The following TMEM178B variants were observed in gnomAD, a reference collection of about 807,000 sequenced individuals.
TMEM178B encodes the protein transmembrane protein 178B.
A neutral mutation model predicts 31.0 loss-of-function variants in TMEM178B; 5 were observed. The ratio of observed to expected loss-of-function variants is 0.16; its 90% CI spans 0.08 to 0.34. The LOEUF (loss-of-function observed/expected upper bound fraction) is 0.34, where lower values mean the gene tolerates loss of function less well. Among genes scored for constraint, TMEM178B ranks in the 10% least tolerant of loss-of-function variants. The pLI is 1.00. For missense variants in TMEM178B, 275 were observed against 400.3 expected (o/e 0.69, Z 2.67); for synonymous variants, 164 against 164.0 (o/e 1.00, Z 0.00).
At chr7:141,396,477 A>G (rs1330345510) in intron 2 of TMEM178B, among the ~76,000 whole-genome samples, 1 of 152,192 alleles carries the variant, frequency 6.6e-6, no homozygotes, top group African/African-American at 2.4e-5. Context: ...GAGAGCCAGA[A>G]TGACCTTCAG....
At chr7:141,169,108 TC>T (rs1796305770) in intron 1 of TMEM178B, among the ~76,000 whole-genome samples, 1 of 152,250 alleles carries the variant, frequency 6.6e-6, no homozygotes, top group Non-Finnish European at 1.5e-5. Flanking sequence ...TAAACTTGTG[TC>T]ATGGGGGTTG....
At chr7:141,221,617 G>A (rs12703374) in intron 2 of TMEM178B, among the ~76,000 whole-genome samples, 76,631 of 152,112 alleles carry the variant, frequency 0.5, 20,826 homozygotes, top group African/African-American at 0.71. Flanking sequence ...CCACTTATAA[G>A]AACCAGGGCA....
chr7:141,246,520 C>T (rs920605481), intron 2 of TMEM178B, among the ~76,000 whole-genome samples: 3 of 152,178 alleles, frequency 2.0e-5, no homozygotes, highest in African/African-American at 7.2e-5. Flanking sequence ...ATATGTAAGA[C>T]ACTTTGTAGC....
chr7:141,367,084 A>T (rs145622964), intron 2 of TMEM178B, among the ~76,000 whole-genome samples: 706 of 2,472 alleles, frequency 0.29, 6 homozygotes, highest in African/African-American at 0.42. Flanking sequence ...ACATGACAGC[A>T]GGGGGGAGGG....
the TMEM178B span, among the ~76,000 whole-genome samples, chr7:141,505,395 A>G: frequency 1.2e-4 from 19 of 152,232 alleles, no homozygotes; most frequent in Non-Finnish European, 2.5e-4. Context: ...GAATGTTTTC[A>G]TATCTGCTCC....
Position 141,407,254 on chromosome 7 carries a change from T to C in TMEM178B, c.497-30354T>C, listed in dbSNP as rs558069491. Among the ~76,000 whole-genome samples, 15 of 152,340 alleles carry C rather than the reference T, an allele frequency of 9.8e-5. No homozygotes were observed. In the East Asian group the frequency reaches 2.9e-3, roughly 29 times the overall value. On this transcript the variant is annotated intron_variant, in intron 2 of 3. Coordinates refer to ENST00000565468, the MANE Select transcript of TMEM178B (RefSeq NM_001195278.2). ...CTGTTTAGCATCCATGGGTGAACTT[T>C]CTGACAGAAGAATCTGAAAGGCTGC... is the stretch of plus-strand genomic sequence containing the variant.
In TMEM178B at chr7:141,108,428, T is replaced by C. The variant is rs113607200; in HGVS notation, c.382+33736T>C. On this transcript the variant is annotated intron_variant, in intron 1 of 3. Transcript: ENST00000565468. ...AGAAGGTTCATGGGCAATCCATCTA[T>C]AGTAGCAGGAAAGAAAGCAGAGTGT... Among the ~76,000 whole-genome samples the C allele has an allele frequency of 3.7e-3, 568 of 152,282 alleles. 4 individuals carry two copies. Among genetic ancestry groups the C allele is most frequent in the African/African-American group, 0.013 (526 of 41,560 alleles).
rs139943959 is a variant in TMEM178B, at chr7:141,237,197, C to A, written c.496+24493C>A. 3.5e-4 allele frequency among the ~76,000 whole-genome samples: 53 copies of A among 152,252 alleles called. No homozygotes were observed. In the East Asian group the frequency reaches 3.7e-3, roughly 11 times the overall value. The stretch of plus-strand genomic sequence containing the variant: ...ACAACCTTACTTGAAATCAGTTTGG[C>A]AATATTTATCACAAGTCTTAGAATG... On this transcript the variant is annotated intron_variant, in intron 2 of 3. Transcript: ENST00000565468.
At chr7:141,496,779 A>C in the TMEM178B span, among the ~76,000 whole-genome samples, 2 of 152,112 alleles carry the variant, frequency 1.3e-5, no homozygotes, top group Non-Finnish European at 2.9e-5. Flanking sequence ...ACTGCAAAAA[A>C]AATGGTCTAA....
intron 2 of TMEM178B, among the ~76,000 whole-genome samples, chr7:141,331,333 G>C (rs143888751): frequency 8.5e-4 from 129 of 152,312 alleles, no homozygotes; most frequent in Middle Eastern, 3.4e-3. Context: ...GGTGATCAGG[G>C]ACGAGCAGCA....
chr7:141,498,711 G>A, the TMEM178B span, among the ~76,000 whole-genome samples: 1 of 152,210 alleles, frequency 6.6e-6, no homozygotes. Flanking sequence ...GTAGTAATCA[G>A]TCTCTGACAG....
chr7:141,160,504 T>C lies in TMEM178B; in HGVS notation c.383-52087T>C, dbSNP rs762753631. 1.8e-4 allele frequency among the ~76,000 whole-genome samples: 28 copies of C among 152,300 alleles called. 1 individual carries two copies. The highest frequency in any genetic ancestry group is 3.7e-4 in the Non-Finnish European group (25 of 68,024). On this transcript the variant is annotated intron_variant, in intron 1 of 3. Coordinates refer to ENST00000565468, the MANE Select transcript of TMEM178B (RefSeq NM_001195278.2). Reference sequence around the variant, plus strand: ...CCCACCTATCTTGGCCTTGCTAGTGTCGTCATTCTCTAGGATGGATCACGT... The same window carrying C: ...CCCACCTATCTTGGCCTTGCTAGTGCCGTCATTCTCTAGGATGGATCACGT...
At chr7:141,451,041 G>A (rs185533524) in intron 3 of TMEM178B, among the ~76,000 whole-genome samples, 1 of 152,246 alleles carries the variant, frequency 6.6e-6, no homozygotes, top group African/African-American at 2.4e-5. Context: ...TAAGCCAGAG[G>A]GTCCTCCTCC....
rs1802444284 is a variant in TMEM178B, at chr7:141,479,963, T to C, written c.*9177T>C. 1 of 152,216 alleles carries C rather than the reference T, an allele frequency of 6.6e-6. No individual in the cohort carries two copies. The highest frequency in any genetic ancestry group is 2.1e-4 in the South Asian group (1 of 4,832). The allele number at this position is 152,216 out of a possible 1,614,324, so 9.4% of individuals were successfully genotyped here. A position where few individuals can be genotyped will look rare whatever the true frequency, so the allele number is the denominator to read the frequency against. On this transcript the variant is annotated 3_prime_UTR_variant, in exon 4 of 4. Coordinates refer to ENST00000565468, the MANE Select transcript of TMEM178B (RefSeq NM_001195278.2). ...TGATATGATGTGAATAAATGTGTTGTTTAATCTTAACAAGAATGCTACATC... is the reference window on the plus strand; with the variant it reads ...TGATATGATGTGAATAAATGTGTTGCTTAATCTTAACAAGAATGCTACATC...
chr7:141,338,733 G>A (rs1334701445), intron 2 of TMEM178B, among the ~76,000 whole-genome samples: 1 of 152,170 alleles, frequency 6.6e-6, no homozygotes, highest in Non-Finnish European at 1.5e-5. Flanking sequence ...GCAGCAGTGT[G>A]GTGGGTGGGG....
At chr7:141,274,803 G>C (rs1798239864) in intron 2 of TMEM178B, among the ~76,000 whole-genome samples, 1 of 152,196 alleles carries the variant, frequency 6.6e-6, no homozygotes, top group Non-Finnish European at 1.5e-5. Context: ...CACAGCTGGA[G>C]GAGGGCCAAA....
chr7:141,254,775 G>A (rs1170901294), intron 2 of TMEM178B, among the ~76,000 whole-genome samples: 1 of 152,128 alleles, frequency 6.6e-6, no homozygotes, highest in African/African-American at 2.4e-5. Context: ...TTCAAAAGGG[G>A]TGATTTTTGA....
chr7:141,340,735 A>T (rs1484431034), intron 2 of TMEM178B, among the ~76,000 whole-genome samples: 1 of 152,232 alleles, frequency 6.6e-6, no homozygotes, highest in African/African-American at 2.4e-5. Context: ...TCATACCTTG[A>T]CATGAAACTG....
chr7:141,325,144 T>C (rs1799167082), intron 2 of TMEM178B, among the ~76,000 whole-genome samples: 1 of 152,292 alleles, frequency 6.6e-6, no homozygotes, highest in Middle Eastern at 3.4e-3. Flanking sequence ...GCTGAAGGTT[T>C]CATTAGGCAT....
Sources: allele counts gnomAD v4.1 joint callset (sites outside exome capture counted in the v4.1 genomes callset), GRCh38; gene constraint gnomAD v4.1.1; transcripts MANE v1.5; gene names NCBI Gene and HGNC (gene_info 2026-07-23, HGNC 2026-07-21).